The following KIF17 variants were observed in gnomAD, a reference collection of about 807,000 sequenced individuals.
KIF17 encodes the protein kinesin family member 17.
KIF17 carries 80 observed loss-of-function variants against 96.8 expected under a neutral mutation model. The ratio of observed to expected loss-of-function variants is 0.83; its 90% CI spans 0.69 to 1.00. KIF17 has a LOEUF of 1.00. Ranked by LOEUF, KIF17 falls within the 50% of genes least tolerant of loss-of-function variation. The pLI is 0.00. For missense variants in KIF17, 1,280 were observed against 1,372.9 expected, an observed-to-expected ratio of 0.93 and a Z score of 1.07; for synonymous variants, 567 against 587.5, an observed-to-expected ratio of 0.97 and a Z score of 0.51.
At chr1:20,677,651 C>T (rs889399816) in intron 11 of KIF17, among the ~76,000 whole-genome samples, 2 of 152,064 alleles carry the variant, frequency 1.3e-5, no homozygotes, top group Non-Finnish European at 2.9e-5. Context: ...ATCAGGAGTT[C>T]AAGACCAGCC....
At chr1:20,715,905 G>A (rs76021685) in intron 1 of KIF17, among the ~76,000 whole-genome samples, 2,776 of 152,330 alleles carry the variant, frequency 0.018, 57 homozygotes, top group African/African-American at 0.04. Flanking sequence ...TTTACTGACC[G>A]TGTGCCCTTG....
chr1:20,717,104 G>C (rs952037905), intron 1 of KIF17, among the ~76,000 whole-genome samples: 2 of 152,272 alleles, frequency 1.3e-5, no homozygotes, highest in Non-Finnish European at 2.9e-5. Context: ...CTTGGCGGGC[G>C]GATCACTTGA....
At chr1:20,708,025 T>A (rs1196944638) in intron 4 of KIF17, among the ~76,000 whole-genome samples, 2 of 152,028 alleles carry the variant, frequency 1.3e-5, no homozygotes, top group East Asian at 1.9e-4. Flanking sequence ...GCTCACATTA[T>A]TTTATAAGGT....
chr1:20,680,125 C>T (rs1427544771), intron 11 of KIF17, among the ~76,000 whole-genome samples: 1 of 152,148 alleles, frequency 6.6e-6, no homozygotes, highest in African/African-American at 2.4e-5. Context: ...GCTGAGATTA[C>T]AGGCATAAGC....
At chr1:20,711,860 TCTTA>T (rs534434430) in intron 3 of KIF17, among the ~76,000 whole-genome samples, 47 of 152,230 alleles carry the variant, frequency 3.1e-4, no homozygotes, top group Admixed American at 9.2e-4. Context: ...CTTGGGTTGG[TCTTA>T]CTTAGGCACA....
At chr1:20,662,566 C>A (rs1465423999), downstream of KIF17, among the ~76,000 whole-genome samples, 3 of 152,224 alleles carry the variant, frequency 2.0e-5, no homozygotes, top group African/African-American at 7.2e-5. Context: ...ACCCTAACTC[C>A]TGCCCTTCCA....
chr1:20,687,244 G>T lies in KIF17; in HGVS notation c.1938+144C>A. ...CAGTGCCCCTGAGCCAGCCACCAGT[G>T]CCAGAGCCGCAGCAGACACAGTGGA... On this transcript the variant is annotated intron_variant, in intron 8 of 14. Transcript: ENST00000400463. The surrounding 1 kb of genome is among the most constrained non-coding windows in gnomAD (Gnocchi z 4.4). 1.1e-6 allele frequency: 1 copy of T among 896,090 alleles called. No individual in the cohort carries two copies. Among genetic ancestry groups the T allele is most frequent in the Non-Finnish European group, 1.8e-6 (1 of 552,372 alleles). 55.5% of individuals were successfully genotyped at this position (896,090 alleles called of 1,614,324 possible). A position where few individuals can be genotyped will look rare whatever the true frequency, so the allele number is the denominator to read the frequency against.
rs533429701 is a variant in KIF17, at chr1:20,698,469, C to T, written c.1143G>A (p.Val381=). ...CCTCCACCTGCACAGGGTCTGGGGGCACCTGCCTGGACAGCAGGGCTGGGG... is the reference window on the plus strand; with the variant it reads ...CCTCCACCTGCACAGGGTCTGGGGGTACCTGCCTGGACAGCAGGGCTGGGG... ...SSLSALLSRQ[V]PPDPVQVEEK... Residue 381 remains valine, a synonymous_variant, in exon 6 of 15, where the codon GTG becomes GTA. Coordinates refer to ENST00000400463, the MANE Select transcript of KIF17 (RefSeq NM_001122819.3). 1 of 1,613,190 alleles carries T rather than the reference C, an allele frequency of 6.2e-7. No individual in the cohort carries two copies. The highest frequency in any genetic ancestry group is 1.6e-4 in the Middle Eastern group (1 of 6,062).
intron 11 of KIF17, among the ~76,000 whole-genome samples, chr1:20,676,312 T>C (rs751660858): frequency 2.6e-5 from 4 of 152,112 alleles, no homozygotes; most frequent in Middle Eastern, 3.2e-3. Flanking sequence ...AAAAATATCA[T>C]AAAGCACAGT....
intron 5 of KIF17, among the ~76,000 whole-genome samples, chr1:20,703,367 GA>G (rs1460382539): frequency 6.6e-6 from 1 of 152,078 alleles, no homozygotes; most frequent in African/African-American, 2.4e-5. Flanking sequence ...TGGAAGAAAG[GA>G]AGGAAGGGTC....
At chr1:20,698,275 G>T in intron 6 of KIF17, 104 bp downstream of exon 6, 2 of 786,094 alleles carry the variant, frequency 2.5e-6, no homozygotes, top group South Asian at 1.4e-5. Flanking sequence ...AACCCACGGT[G>T]AAGGTACGGT....
At chr1:20,669,864 CAAAAAAAAAAAAAAAAAAAAAAAAAAAA>C (rs61673996) in intron 13 of KIF17, among the ~76,000 whole-genome samples, 1 of 18,434 alleles carries the variant, frequency 5.4e-5, no homozygotes, top group Non-Finnish European at 1.0e-4. Flanking sequence ...GACTCCATCT[CAAAAAAAAAAAAAAAAAAAAAAAAAAAA>C]AAAAAAAAAA....
chr1:20,687,385 T>C lies in KIF17; in HGVS notation c.1938+3A>G, dbSNP rs1467901781. The C allele has an allele frequency of 2.5e-6, 4 of 1,612,858 alleles. No homozygotes were observed. Among genetic ancestry groups the C allele is most frequent in the Non-Finnish European group, 3.4e-6 (4 of 1,179,988 alleles). On this transcript the variant is annotated splice_donor_region_variant and intron_variant, in intron 8 of 14. Coordinates refer to ENST00000400463, the MANE Select transcript of KIF17 (RefSeq NM_001122819.3). This position sits in a 1 kb window ranked among gnomAD's most constrained non-coding sequence, Gnocchi z 4.4. ...ACATGGCACCATGCGTGACATCAGC[T>C]ACCTGCACAGGGACCTTGGGGACGT...
intron 11 of KIF17, among the ~76,000 whole-genome samples, chr1:20,675,638 T>A (rs1316705900): frequency 6.6e-6 from 1 of 152,202 alleles, no homozygotes; most frequent in Non-Finnish European, 1.5e-5. Flanking sequence ...AAGATTGTTT[T>A]GGCTATTTTG....
At position 20,711,032 on chromosome 1, in the gene KIF17, C is replaced by T. The variant is rs377483610; in HGVS notation, c.481-1204G>A. On this transcript the variant is annotated intron_variant, in intron 3 of 14. Coordinates refer to ENST00000400463, the MANE Select transcript of KIF17 (RefSeq NM_001122819.3). ...GAGGAGGGAGCCCAGAGGACGGAGC[C>T]GCGTGTGGCCTGAGGGCACCTTGTT... 1.3e-4 allele frequency among the ~76,000 whole-genome samples: 20 copies of T among 149,506 alleles called. No homozygotes were observed. In the East Asian group the frequency reaches 3.3e-3, roughly 25 times the overall value.
At chr1:20,683,634 A>G (rs191845237) in intron 10 of KIF17, among the ~76,000 whole-genome samples, 5 of 152,190 alleles carry the variant, frequency 3.3e-5, no homozygotes, top group Admixed American at 6.5e-5. Context: ...CAGCCTGAGC[A>G]ACAGAGCAAG....
intron 12 of KIF17, among the ~76,000 whole-genome samples, chr1:20,671,314 A>G (rs1275063718): frequency 4.6e-5 from 7 of 152,108 alleles, no homozygotes; most frequent in Non-Finnish European, 2.9e-5. Context: ...GTGTATTAAC[A>G]CATTTCTGGT....
intron 5 of KIF17, among the ~76,000 whole-genome samples, chr1:20,702,652 T>TA (rs556788780): frequency 2.5e-4 from 38 of 152,270 alleles, no homozygotes; most frequent in African/African-American, 9.1e-4. Flanking sequence ...AAATGCACCT[T>TA]AGAGTTTTAT....
At chr1:20,677,022 G>A (rs144312392) in intron 11 of KIF17, among the ~76,000 whole-genome samples, 381 of 151,884 alleles carry the variant, frequency 2.5e-3, no homozygotes, top group African/African-American at 8.4e-3. Context: ...ACCAGCCTGC[G>A]CAACATGGTG....
Sources: gnomAD v4.1 joint callset for allele counts (sites outside exome capture counted in the v4.1 genomes callset) on GRCh38, gnomAD v4.1.1 for gene constraint, Gnocchi (gnomAD v3.1) non-coding constraint, MANE v1.5 for transcripts, NCBI Gene and HGNC (gene_info 2026-07-23, HGNC 2026-07-21) for gene names.